STK10: variants seen among roughly 807,000 people sequenced by gnomAD.
STK10 encodes serine/threonine-protein kinase 10.
A neutral mutation model predicts 113.8 loss-of-function variants in STK10; 78 were observed. The ratio of observed to expected loss-of-function variants is 0.69; its 90% CI spans 0.57 to 0.83. The LOEUF (loss-of-function observed/expected upper bound fraction) is 0.83. Among genes scored for constraint, STK10 ranks in the 40% least tolerant of loss-of-function variants. STK10 has a pLI of 0.00. For synonymous variants in STK10, 465 were observed against 494.7 expected, an observed-to-expected ratio of 0.94 and a Z score of 0.80; for missense variants, 1,109 against 1,280.1, an observed-to-expected ratio of 0.87 and a Z score of 2.04.
chr5:172,042,380 T>A lies in STK10; in HGVS notation c.*2502A>T, dbSNP rs1020384050. ...GGCTAGGTGACCCCGCCAGTCCCCA[T>A]CCAGAAAAGCACAGGGGAGCTCTGA... is the stretch of plus-strand genomic sequence containing the variant. On this transcript the variant is annotated 3_prime_UTR_variant, in exon 19 of 19. Transcript: ENST00000176763. 3 of 152,456 alleles carry A rather than the reference T, an allele frequency of 2.0e-5. No homozygotes were observed. The highest frequency in any genetic ancestry group is 7.3e-5 in the African/African-American group (3 of 41,356). The allele number at this position is 152,456 out of a possible 1,614,324, so 9.4% of individuals were successfully genotyped here. A position where few individuals can be genotyped will look rare whatever the true frequency, so the allele number is the denominator to read the frequency against.
chr5:172,117,408 G>A (rs1360875324), intron 4 of STK10, 73 bp downstream of exon 4: 13 of 1,579,528 alleles, frequency 8.2e-6, no homozygotes, highest in Non-Finnish European at 1.0e-5. Flanking sequence ...ACTCCCACTG[G>A]CCTGCAGAGG....
intron 10 of STK10, among the ~76,000 whole-genome samples, chr5:172,084,450 T>A (rs1276814063): frequency 6.6e-6 from 1 of 151,432 alleles, no homozygotes; most frequent in African/African-American, 2.4e-5. Flanking sequence ...AGATATGGAG[T>A]AATCTCTAGG....
intron 1 of STK10, among the ~76,000 whole-genome samples, chr5:172,164,822 G>A (rs1215925395): frequency 6.6e-6 from 1 of 152,230 alleles, no homozygotes; most frequent in South Asian, 2.1e-4. Flanking sequence ...TGTGGCCTCC[G>A]ATGTCCCTCT....
chr5:172,158,820 GAAGTAC>G (rs1433904203), intron 1 of STK10, among the ~76,000 whole-genome samples: 4 of 152,172 alleles, frequency 2.6e-5, no homozygotes, highest in Non-Finnish European at 5.9e-5. Flanking sequence ...CCACTTACCT[GAAGTAC>G]CCAGAGTAGC....
intron 2 of STK10, among the ~76,000 whole-genome samples, chr5:172,153,541 C>T (rs114523269): frequency 6.6e-6 from 1 of 152,224 alleles, no homozygotes; most frequent in Non-Finnish European, 1.5e-5. Flanking sequence ...CCACCCCACT[C>T]GGGGGAAAGT....
intron 12 of STK10, among the ~76,000 whole-genome samples, chr5:172,071,610 T>C (rs999369429): frequency 3.3e-5 from 5 of 152,146 alleles, no homozygotes; most frequent in Admixed American, 1.3e-4. Flanking sequence ...TGAACAAGCA[T>C]GTACAGCTAC....
At chr5:172,170,234 A>G (rs991850484) in intron 1 of STK10, among the ~76,000 whole-genome samples, 3 of 151,676 alleles carry the variant, frequency 2.0e-5, no homozygotes, top group African/African-American at 4.9e-5. Context: ...CACATAAGAG[A>G]GGAAAGGAAA....
intron 2 of STK10, among the ~76,000 whole-genome samples, chr5:172,144,062 C>A (rs1770032075): frequency 6.6e-6 from 1 of 152,228 alleles, no homozygotes; most frequent in Non-Finnish European, 1.5e-5. Context: ...TGGCATGGCG[C>A]TAAGTGTTTG....
In STK10 at chr5:172,133,510, G is replaced by A. The variant is rs927805175; in HGVS notation, c.322-6089C>T. 6.6e-6 allele frequency among the ~76,000 whole-genome samples: 1 copy of A among 152,162 alleles called. No individual in the cohort carries two copies. The highest frequency in any genetic ancestry group is 2.4e-5 in the African/African-American group (1 of 41,432). On this transcript the variant is annotated intron_variant, in intron 2 of 18. Transcript: ENST00000176763. The surrounding 1 kb of genome is among the most constrained non-coding windows in gnomAD (Gnocchi z 4.9). ...GCCAGTCAGGAAAATTTTCTGCCTCGTGCCCTGACTCAGGGCTGGTGTCAT... is the reference window on the plus strand; with the variant it reads ...GCCAGTCAGGAAAATTTTCTGCCTCATGCCCTGACTCAGGGCTGGTGTCAT...
chr5:172,156,559 C>T, intron 2 of STK10, 65 bp downstream of exon 2: 1 of 1,544,194 alleles, frequency 6.5e-7, no homozygotes, highest in Non-Finnish European at 8.8e-7. Flanking sequence ...GACTTCAGGA[C>T]CAGGCTAGCT....
Position 172,066,947 on chromosome 5 carries a change from C to T in STK10, c.1990-2135G>A, listed in dbSNP as rs1052876425. ...CTAAACTAACACTGAAACCACTACCCACAGAAGATCAGACAGAACCTGTGG... is the reference window on the plus strand; with the variant it reads ...CTAAACTAACACTGAAACCACTACCTACAGAAGATCAGACAGAACCTGTGG... On this transcript the variant is annotated intron_variant, in intron 12 of 18. Coordinates refer to ENST00000176763, the MANE Select transcript of STK10 (RefSeq NM_005990.4). Among the ~76,000 whole-genome samples, 17 of 152,134 alleles carry T rather than the reference C, an allele frequency of 1.1e-4. 1 individual carries two copies. Among genetic ancestry groups the T allele is most frequent in the African/African-American group, 4.1e-4 (17 of 41,434 alleles).
intron 8 of STK10, among the ~76,000 whole-genome samples, chr5:172,095,832 A>G (rs1230532871): frequency 2.0e-5 from 3 of 152,356 alleles, no homozygotes; most frequent in Admixed American, 1.3e-4. Context: ...GGCCTCCCCA[A>G]GTAAGGCCAG....
At chr5:172,087,386 T>C (rs1411520502) in intron 10 of STK10, among the ~76,000 whole-genome samples, 2 of 151,780 alleles carry the variant, frequency 1.3e-5, no homozygotes, top group Non-Finnish European at 2.9e-5. Flanking sequence ...GTGATTCTCC[T>C]GTCTCAGCCT....
intron 1 of STK10, among the ~76,000 whole-genome samples, chr5:172,174,131 C>T (rs1215762604): frequency 6.6e-6 from 1 of 152,142 alleles, no homozygotes; most frequent in African/African-American, 2.4e-5. Context: ...TTCACTCACT[C>T]ATCCTTTCAA....
intron 10 of STK10, among the ~76,000 whole-genome samples, chr5:172,087,875 G>T (rs1477493844): frequency 9.8e-6 from 1 of 102,088 alleles, no homozygotes; most frequent in Non-Finnish European, 2.1e-5. Flanking sequence ...TGATCCACCC[G>T]CCTCGGCCTC....
chr5:172,158,315 G>A (rs191052261), intron 1 of STK10, among the ~76,000 whole-genome samples: 137 of 152,086 alleles, frequency 9.0e-4, no homozygotes, highest in African/African-American at 3.3e-3. Context: ...GACTCAAGGA[G>A]ATATTTATAT....
intron 18 of STK10, among the ~76,000 whole-genome samples, chr5:172,049,373 A>G (rs768684426): frequency 4.3e-4 from 66 of 152,258 alleles, no homozygotes; most frequent in Non-Finnish European, 7.8e-4. Flanking sequence ...AGGCCTGAAT[A>G]ATGCAGACAA....
In STK10 at chr5:172,057,348, CCTT is replaced by C. The variant is rs1561790542; in HGVS notation, c.2335_2337del (p.Lys779del). On this transcript the variant is annotated inframe_deletion and splice_region_variant, in exon 15 of 19. Coordinates refer to ENST00000176763, the MANE Select transcript of STK10 (RefSeq NM_005990.4). ...GAGCCCCGTGCCACCGGCAGCCTCA[CCTT>C]CTCATGCTTGCGCAGCAGCTCGTGC... is the stretch of plus-strand genomic sequence containing the variant. 4 of 1,580,018 alleles carry C rather than the reference CCTT, an allele frequency of 2.5e-6. No homozygotes were observed. Among genetic ancestry groups the C allele is most frequent in the Non-Finnish European group, 3.4e-6 (4 of 1,163,574 alleles).
At chr5:172,056,767 G>A (rs1470500807) in intron 15 of STK10, among the ~76,000 whole-genome samples, 8 of 151,434 alleles carry the variant, frequency 5.3e-5, no homozygotes, top group Non-Finnish European at 7.4e-5. Context: ...CCAGCTACTC[G>A]GGAGGCTGAG....
Sources: allele counts gnomAD v4.1 joint callset (sites outside exome capture counted in the v4.1 genomes callset), GRCh38; gene constraint gnomAD v4.1.1; non-coding constraint Gnocchi (gnomAD v3.1); transcripts MANE v1.5; gene names NCBI Gene and HGNC (gene_info 2026-07-23, HGNC 2026-07-21).